JAKMIP1: variants seen among roughly 807,000 people sequenced by gnomAD.
JAKMIP1 encodes the protein janus kinase and microtubule-interacting protein 1.
In JAKMIP1, 33 loss-of-function variants were observed where a neutral mutation model predicts 113.0. The ratio of observed to expected loss-of-function variants is 0.29; its 90% CI spans 0.22 to 0.39. The LOEUF (loss-of-function observed/expected upper bound fraction) is 0.39, where lower values mean the gene tolerates loss of function less well. JAKMIP1 is among the 10% of genes least tolerant of loss of function. The pLI is 1.00. For missense variants in JAKMIP1, 813 were observed against 1,080.5 expected, an observed-to-expected ratio of 0.75 and a Z score of 3.47; for synonymous variants, 480 against 459.9, an observed-to-expected ratio of 1.04 and a Z score of -0.56.
At chr4:6,079,085 G>T in intron 7 of JAKMIP1, 87 bp from the exon 8 acceptor site, 1 of 1,401,912 alleles carries the variant, frequency 7.1e-7, no homozygotes, top group Non-Finnish European at 1.0e-6. Flanking sequence ...AGCTGGGCCT[G>T]CCCATCCGCA....
chr4:6,093,501 A>C lies in JAKMIP1; in HGVS notation c.625-7872T>G, dbSNP rs533497528. 3.4e-4 allele frequency among the ~76,000 whole-genome samples: 52 copies of C among 152,318 alleles called. No individual in the cohort carries two copies. The Middle Eastern group carries it at 0.01, about 30-fold the overall frequency. ...TGATTGTTTACTATTAACATGCAGC[A>C]ATTAGCAGCGAGTCCAGATCATGTG... is the stretch of plus-strand genomic sequence containing the variant. On this transcript the variant is annotated intron_variant, in intron 3 of 20. Transcript: ENST00000409021. This position sits in a 1 kb window ranked among gnomAD's most constrained non-coding sequence, Gnocchi z 4.6.
intron 1 of JAKMIP1, among the ~76,000 whole-genome samples, 158 bp from the exon 2 acceptor site, chr4:6,113,155 C>T (rs1001379035): frequency 6.6e-6 from 1 of 152,214 alleles, no homozygotes; most frequent in African/African-American, 2.4e-5. Flanking sequence ...GCAGCAGAAT[C>T]GCTTGGAGGT....
intron 1 of JAKMIP1, among the ~76,000 whole-genome samples, chr4:6,126,496 C>T (rs1176412904): frequency 9.3e-5 from 14 of 149,780 alleles, no homozygotes; most frequent in South Asian, 2.1e-4. Context: ...CACACAAACA[C>T]GCATCATACA....
chr4:6,036,099 T>C lies in JAKMIP1; in HGVS notation c.2184A>G (p.Gln728=). The change falls in exon 19 of 21, where the codon CAA becomes CAG. Residue 728 remains glutamine, a synonymous_variant. Coordinates refer to ENST00000409021, the MANE Select transcript of JAKMIP1 (RefSeq NM_001099433.2). Reference sequence around the variant, plus strand: ...CTGTGTACAGTGTGGCCTCCAGGTCTTGGATTTTCTGAGGACCCCAGATCA... The same window carrying C: ...CTGTGTACAGTGTGGCCTCCAGGTCCTGGATTTTCTGAGGACCCCAGATCA... ...QALDQAYLKI[Q]DLEATLYTAL... is the part of the protein sequence containing the mutation. 6.5e-7 allele frequency: 1 copy of C among 1,549,384 alleles called. No individual in the cohort carries two copies. The highest frequency in any genetic ancestry group is 8.7e-7 in the Non-Finnish European group (1 of 1,144,542).
rs10572045 is a variant in JAKMIP1, at chr4:6,032,660, C to CACAAA, written c.2380-2884_2380-2880dup. ...GTACACGAATGTTAGAACAACACAA[C>CACAAA]ACAAAACAAAACAAAACAAAACAAA... On this transcript the variant is annotated intron_variant, in intron 19 of 20. Transcript: ENST00000409021. Among the ~76,000 whole-genome samples the CACAAA allele has an allele frequency of 4.1e-3, 612 of 149,334 alleles. 8 individuals are homozygous for CACAAA. The highest frequency in any genetic ancestry group is 0.027 in the East Asian group (138 of 5,108).
intron 7 of JAKMIP1, among the ~76,000 whole-genome samples, chr4:6,079,514 C>A (rs912789819): frequency 6.6e-6 from 1 of 152,158 alleles, no homozygotes; most frequent in Non-Finnish European, 1.5e-5. Context: ...TGCATGGAAC[C>A]ATCACACACC....
chr4:6,127,121 G>A (rs897266082), intron 1 of JAKMIP1, among the ~76,000 whole-genome samples: 17 of 152,288 alleles, frequency 1.1e-4, no homozygotes, highest in African/African-American at 3.6e-4. Flanking sequence ...GCCAAGGGAC[G>A]TCATTCTCTT....
chr4:6,028,527 G>A (rs1360278741), intron 20 of JAKMIP1, among the ~76,000 whole-genome samples: 1 of 152,222 alleles, frequency 6.6e-6, no homozygotes, highest in Non-Finnish European at 1.5e-5. Context: ...ATCTCTCTGG[G>A]CACATGGTTT....
rs1276739121 is a variant in JAKMIP1, at chr4:6,197,968, C to T, written c.-148+2285G>A. 6.6e-6 allele frequency among the ~76,000 whole-genome samples: 1 copy of T among 152,168 alleles called. No homozygotes were observed. The highest frequency in any genetic ancestry group is 1.9e-4 in the East Asian group (1 of 5,190). On this transcript the variant is annotated intron_variant, in intron 1 of 20. Transcript: ENST00000409021. This position sits in a 1 kb window ranked among gnomAD's most constrained non-coding sequence, Gnocchi z 6.5. ...CACTTCCTCGTGCAGCCTTCCTGGC[C>T]GGGCCGCCTGTCCCCATCTCTCCCT...
rs566703495 is a variant in JAKMIP1 at position 6,137,568 on chromosome 4, C to T, written c.-147-24571G>A. Among the ~76,000 whole-genome samples the T allele has an allele frequency of 1.3e-3, 191 of 152,316 alleles. 3 individuals are homozygous for T. Among genetic ancestry groups the T allele is most frequent in the Non-Finnish European group, 3.1e-4 (21 of 68,022 alleles). The stretch of plus-strand genomic sequence containing the variant: ...GTTGAACGTTCCAGATGGCCTCACT[C>T]GAGAGACGCTCTTTTTCAGCCAATC... On this transcript the variant is annotated intron_variant, in intron 1 of 20. Transcript: ENST00000409021. The surrounding 1 kb of genome is among the most constrained non-coding windows in gnomAD (Gnocchi z 4.5).
At chr4:6,144,241 T>C (rs1206115649) in intron 1 of JAKMIP1, among the ~76,000 whole-genome samples, 1 of 152,226 alleles carries the variant, frequency 6.6e-6, no homozygotes, top group Non-Finnish European at 1.5e-5. Flanking sequence ...AGTAGTATAC[T>C]AAACATACTT....
chr4:6,036,134 A>C, intron 18 of JAKMIP1, 27 bp from the exon 19 acceptor site: 1 of 1,507,832 alleles, frequency 6.6e-7, no homozygotes, highest in African/African-American at 1.4e-5. Context: ...ACACAGACAG[A>C]GGAAGGTCAC....
In JAKMIP1 at chr4:6,054,254, C is replaced by T. The variant is rs553576822; in HGVS notation, c.1708-106G>A. 61 of 1,108,420 alleles carry T rather than the reference C, an allele frequency of 5.5e-5. No individual in the cohort carries two copies. The East Asian group carries it at 1.1e-3, about 20-fold the overall frequency. 68.7% of individuals were successfully genotyped at this position (1,108,420 alleles called of 1,614,324 possible). On this transcript the variant is annotated intron_variant, in intron 12 of 20. Transcript: ENST00000409021. ...CTGGAGGGAAACAGACGACTGGCCA[C>T]GGAGGCAAGGGGCAGGAGAGGGCAG...
chr4:6,113,636 T>A (rs1256383600), intron 1 of JAKMIP1, among the ~76,000 whole-genome samples: 1 of 152,202 alleles, frequency 6.6e-6, no homozygotes, highest in East Asian at 1.9e-4. Flanking sequence ...GAGGAAATAG[T>A]ATGAACCTGA....
At position 6,093,452 on chromosome 4, in the gene JAKMIP1, AAC is replaced by A. The variant is rs1271908741; in HGVS notation, c.625-7825_625-7824del. 6.6e-6 allele frequency among the ~76,000 whole-genome samples: 1 copy of A among 152,166 alleles called. No individual in the cohort carries two copies. The highest frequency in any genetic ancestry group is 2.4e-5 in the African/African-American group (1 of 41,426). On this transcript the variant is annotated intron_variant, in intron 3 of 20. Transcript: ENST00000409021. The surrounding 1 kb of genome is among the most constrained non-coding windows in gnomAD (Gnocchi z 4.6). ...AATTTCATGGCCATGGATGACTATA[AAC>A]AGTGTCCAGCTCCCATTAAACTGAT...
At position 6,112,717 on chromosome 4, in the gene JAKMIP1, C is replaced by A. The variant is rs1183759695; in HGVS notation, c.129+5G>T. The A allele has an allele frequency of 6.2e-7, 1 of 1,613,414 alleles. No individual in the cohort carries two copies. Among genetic ancestry groups the A allele is most frequent in the Non-Finnish European group, 8.5e-7 (1 of 1,179,820 alleles). On this transcript the variant is annotated splice_donor_5th_base_variant and intron_variant, in intron 2 of 20. Transcript: ENST00000409021. ...AGCCGCTGCTGAGCTGACGCCAACC[C>A]CCACCTTGCTTTTTTCCTGCTGGAA...
rs1270341763 is a variant in JAKMIP1, at chr4:6,137,709, G to A, written c.-147-24712C>T. Among the ~76,000 whole-genome samples, 3 of 152,338 alleles carry A rather than the reference G, an allele frequency of 2.0e-5. No homozygotes were observed. In the East Asian group the frequency reaches 5.8e-4, roughly 29 times the overall value. ...TCTCTGAGACTCCCTTGGAGCTAGG[G>A]CTCTGCACATCACTTAGGTTCCATC... On this transcript the variant is annotated intron_variant, in intron 1 of 20. Transcript: ENST00000409021. This position sits in a 1 kb window ranked among gnomAD's most constrained non-coding sequence, Gnocchi z 4.5.
chr4:6,089,884 T>A lies in JAKMIP1; in HGVS notation c.625-4255A>T, dbSNP rs1721799366. On this transcript the variant is annotated intron_variant, in intron 3 of 20. Transcript: ENST00000409021. This position sits in a 1 kb window ranked among gnomAD's most constrained non-coding sequence, Gnocchi z 5.3. Reference sequence around the variant, plus strand: ...AGGGCCTTTGCAGATGAAATGAAGATGCAAATTAAGATGAGGTTATACCAC... The same window carrying A: ...AGGGCCTTTGCAGATGAAATGAAGAAGCAAATTAAGATGAGGTTATACCAC... Among the ~76,000 whole-genome samples, 2 of 152,132 alleles carry A rather than the reference T, an allele frequency of 1.3e-5. No homozygotes were observed. The highest frequency in any genetic ancestry group is 4.8e-5 in the African/African-American group (2 of 41,430).
rs1333054995 is a variant in JAKMIP1 at position 6,136,579 on chromosome 4, C to G, written c.-147-23582G>C. Among the ~76,000 whole-genome samples, 1 of 152,198 alleles carries G rather than the reference C, an allele frequency of 6.6e-6. No individual in the cohort carries two copies. Among genetic ancestry groups the G allele is most frequent in the Non-Finnish European group, 1.5e-5 (1 of 68,034 alleles). On this transcript the variant is annotated intron_variant, in intron 1 of 20. Transcript: ENST00000409021. This position sits in a 1 kb window ranked among gnomAD's most constrained non-coding sequence, Gnocchi z 5.9. Reference sequence around the variant, plus strand: ...GACTAAGTTCCTGTCCACGGTCACACAACCAAGGATGGCTCGTGTCACCTG... The same window carrying G: ...GACTAAGTTCCTGTCCACGGTCACAGAACCAAGGATGGCTCGTGTCACCTG...
Sources: allele counts gnomAD v4.1 joint callset (sites outside exome capture counted in the v4.1 genomes callset), GRCh38; gene constraint gnomAD v4.1.1; non-coding constraint Gnocchi (gnomAD v3.1); transcripts MANE v1.5; gene names NCBI Gene and HGNC (gene_info 2026-07-23, HGNC 2026-07-21).